The following HMGN2 variants were observed in gnomAD, a reference collection of about 807,000 sequenced individuals.
HMGN2 encodes high mobility group nucleosomal binding domain 2.
A neutral mutation model predicts 16.9 loss-of-function variants in HMGN2; 2 were observed. The ratio of observed to expected loss-of-function variants is 0.12; its 90% CI spans 0.05 to 0.37. HMGN2 has a LOEUF of 0.37. Among genes scored for constraint, HMGN2 ranks in the 10% least tolerant of loss-of-function variants. The pLI, the probability that HMGN2 is intolerant of heterozygous loss-of-function variation, is 1.00. For missense variants in HMGN2, 90 were observed against 106.0 expected (o/e 0.85, Z 0.66); for synonymous variants, 31 against 34.9 (o/e 0.89, Z 0.39).
chr1:26,472,870 A>T (rs1234479285), intron 1 of HMGN2, among the ~76,000 whole-genome samples: 4 of 151,430 alleles, frequency 2.6e-5, no homozygotes, highest in Non-Finnish European at 4.4e-5. Context: ...GCGGCTGTTT[A>T]TCCCGCTCTC....
intron 4 of HMGN2, 116 bp from the exon 5 acceptor site, chr1:26,474,456 G>A: frequency 1.5e-6 from 1 of 654,480 alleles, no homozygotes. Context: ...TTGTCAAATG[G>A]GTGAGGGTTT....
At position 26,476,228 on chromosome 1, in the gene HMGN2, T is replaced by C. The variant is rs896653293; in HGVS notation, c.*1080T>C. Reference sequence around the variant, plus strand: ...ATGCAGCATTCCCTGCAGTGTTTGTTTTTTGCATGACTCCGAATACATGAA... The same window carrying C: ...ATGCAGCATTCCCTGCAGTGTTTGTCTTTTGCATGACTCCGAATACATGAA... On this transcript the variant is annotated 3_prime_UTR_variant, in exon 6 of 6. Transcript: ENST00000361427. 2.6e-5 allele frequency among the ~76,000 whole-genome samples: 4 copies of C among 152,218 alleles called. No homozygotes were observed. The highest frequency in any genetic ancestry group is 2.6e-4 in the Admixed American group (4 of 15,286).
At chr1:26,473,877 C>T (rs769733874) in intron 3 of HMGN2, 145 bp downstream of exon 3, 54 of 905,110 alleles carry the variant, frequency 6.0e-5, no homozygotes, top group Admixed American at 1.0e-4. Flanking sequence ...TTGGGTTTTG[C>T]TGGTTCTGAA....
Position 26,472,462 on chromosome 1 carries a change from G to A in HMGN2, c.-151G>A, listed in dbSNP as rs1211257825. On this transcript the variant is annotated 5_prime_UTR_variant, in exon 1 of 6. Transcript: ENST00000361427. ...GGTGAAATCCGGTTCTAACCGGTCC[G>A]GGGCTCCCAGCGCTATAAAAACTTT... is the stretch of plus-strand genomic sequence containing the variant. 5 of 929,936 alleles carry A rather than the reference G, an allele frequency of 5.4e-6. No homozygotes were observed. The highest frequency in any genetic ancestry group is 2.1e-5 in the Admixed American group (1 of 47,196). 57.6% of individuals were successfully genotyped at this position (929,936 alleles called of 1,614,324 possible). A position where few individuals can be genotyped will look rare whatever the true frequency, so the allele number is the denominator to read the frequency against.
At chr1:26,473,826 C>A in intron 3 of HMGN2, 94 bp downstream of exon 3, 1 of 1,315,006 alleles carries the variant, frequency 7.6e-7, no homozygotes, top group Non-Finnish European at 1.1e-6. Context: ...TGGTTAGTGC[C>A]TGGTTTTGAA....
intron 1 of HMGN2, 74 bp downstream of exon 1, chr1:26,472,701 A>AG: frequency 7.3e-7 from 1 of 1,376,040 alleles, no homozygotes; most frequent in Non-Finnish European, 9.8e-7. Flanking sequence ...TGGTGCAGGG[A>AG]GCGAGAATCG....
Position 26,476,238 on chromosome 1 carries a change from A to G in HMGN2, c.*1090A>G, listed in dbSNP as rs377414294. 3.9e-4 allele frequency among the ~76,000 whole-genome samples: 59 copies of G among 152,168 alleles called. 1 individual carries two copies. The South Asian group carries it at 0.012, about 32-fold the overall frequency. On this transcript the variant is annotated 3_prime_UTR_variant, in exon 6 of 6. Coordinates refer to ENST00000361427, the MANE Select transcript of HMGN2 (RefSeq NM_005517.4). The stretch of plus-strand genomic sequence containing the variant: ...CCCTGCAGTGTTTGTTTTTTGCATG[A>G]CTCCGAATACATGAAGTGTATTAAA...
At chr1:26,475,040 T>A (rs1468100727) in intron 5 of HMGN2, 73 bp from the exon 6 acceptor site, 3 of 1,229,592 alleles carry the variant, frequency 2.4e-6, no homozygotes, top group Non-Finnish European at 3.6e-6. Flanking sequence ...AGCAAAGTGA[T>A]GCTGTAGGTG....
At chr1:26,473,656 A>G (rs2075590403) in intron 2 of HMGN2, 47 bp from the exon 3 acceptor site, 1 of 1,607,728 alleles carries the variant, frequency 6.2e-7, no homozygotes, top group Non-Finnish European at 8.5e-7. Flanking sequence ...CAAACTTTCA[A>G]AGCGACTTAC....
chr1:26,473,032 C>A (rs1270227018), intron 1 of HMGN2, among the ~76,000 whole-genome samples: 1 of 11,626 alleles, frequency 8.6e-5, no homozygotes. Flanking sequence ...CAAAAAACCG[C>A]CGCCGTGAGG....
intron 2 of HMGN2, 50 bp from the exon 3 acceptor site, chr1:26,473,653 T>C (rs751258153): frequency 1.7e-5 from 28 of 1,605,792 alleles, no homozygotes; most frequent in Non-Finnish European, 2.3e-5. Flanking sequence ...TACCAAACTT[T>C]CAAAGCGACT....
At chr1:26,475,068 G>C (rs2075599003) in intron 5 of HMGN2, 45 bp from the exon 6 acceptor site, 1 of 1,544,622 alleles carries the variant, frequency 6.5e-7, no homozygotes, top group African/African-American at 1.4e-5. Context: ...AACACAGATA[G>C]TTTTGAAATC....
At position 26,475,565 on chromosome 1, in the gene HMGN2, C is replaced by G. The variant is rs1057281191; in HGVS notation, c.*417C>G. On this transcript the variant is annotated 3_prime_UTR_variant, in exon 6 of 6. Coordinates refer to ENST00000361427, the MANE Select transcript of HMGN2 (RefSeq NM_005517.4). ...CCCAGACATCTGTTGAGACCTGACC[C>G]CTAGTCATTGGTTACCAGTGTGTCA... 6 of 305,934 alleles carry G rather than the reference C, an allele frequency of 2.0e-5. No homozygotes were observed. The highest frequency in any genetic ancestry group is 3.8e-5 in the Non-Finnish European group (6 of 156,290). The allele number at this position is 305,934 out of a possible 1,614,324, so 19.0% of individuals were successfully genotyped here.
rs771387175 is a variant in HMGN2 at position 26,473,525 on chromosome 1, G to C, written c.58G>C (p.Glu20Gln). ...AKGDKAKVKD[E>Q]PQRRSARLSA... ...GGGAGATAAAGCAAAGGTGAAGGAC[G>C]AAGTAAGTCATTCTCTCTTCAAGGG... The change falls in exon 2 of 6, where the codon GAA becomes CAA. Residue 20 changes from glutamate (E) to glutamine (Q), a missense_variant and splice_region_variant. By Grantham distance (29) the Glu-to-Gln change is conservative. Transcript: ENST00000361427. 2 of 1,611,926 alleles carry C rather than the reference G, an allele frequency of 1.2e-6. No individual in the cohort carries two copies. Among genetic ancestry groups the C allele is most frequent in the Admixed American group, 3.3e-5 (2 of 60,020 alleles).
At position 26,472,560 on chromosome 1, in the gene HMGN2, C is replaced by G. The variant is rs904809098; in HGVS notation, c.-53C>G. On this transcript the variant is annotated 5_prime_UTR_variant, in exon 1 of 6. Transcript: ENST00000361427. Reference sequence around the variant, plus strand: ...CCCCGGACCGACCAAAGCCCGCGCGCCGCTGCATCCCGCGTCCAGCACCTA... The same window carrying G: ...CCCCGGACCGACCAAAGCCCGCGCGGCGCTGCATCCCGCGTCCAGCACCTA... The G allele has an allele frequency of 2.0e-6, 3 of 1,534,676 alleles. No homozygotes were observed. Among genetic ancestry groups the G allele is most frequent in the Non-Finnish European group, 2.6e-6 (3 of 1,147,352 alleles).
chr1:26,475,384 T>G lies in HMGN2; in HGVS notation c.*236T>G. The G allele has an allele frequency of 2.5e-6, 1 of 394,904 alleles. No individual in the cohort carries two copies. Among genetic ancestry groups the G allele is most frequent in the South Asian group, 4.7e-5 (1 of 21,234 alleles). The allele number at this position is 394,904 out of a possible 1,614,324, so 24.5% of individuals were successfully genotyped here. On this transcript the variant is annotated 3_prime_UTR_variant, in exon 6 of 6. Coordinates refer to ENST00000361427, the MANE Select transcript of HMGN2 (RefSeq NM_005517.4). ...GAGAAAACACCTTTCCCTTCTAGTTTTGAGAGACTTCCTCTTGGCTCCCAG... is the reference window on the plus strand; with the variant it reads ...GAGAAAACACCTTTCCCTTCTAGTTGTGAGAGACTTCCTCTTGGCTCCCAG...
intron 1 of HMGN2, 138 bp downstream of exon 1, chr1:26,472,765 G>C (rs930233596): frequency 4.1e-6 from 3 of 728,064 alleles, no homozygotes; most frequent in Admixed American, 6.6e-5. Context: ...AGACGGTGTC[G>C]GGCAGCTCGG....
At chr1:26,474,988 A>C (rs2075598671) in intron 5 of HMGN2, 125 bp from the exon 6 acceptor site, 1 of 767,598 alleles carries the variant, frequency 1.3e-6, no homozygotes, top group African/African-American at 1.7e-5. Context: ...TCTCAGAAGA[A>C]ATACTGAGTC....
intron 2 of HMGN2, 40 bp downstream of exon 2, chr1:26,473,567 G>A: frequency 6.3e-7 from 1 of 1,577,050 alleles, no homozygotes. Context: ...CCTTGGACTA[G>A]CAGAGGCCAC....
Sources: allele counts gnomAD v4.1 joint callset (sites outside exome capture counted in the v4.1 genomes callset), GRCh38; gene constraint gnomAD v4.1.1; transcripts MANE v1.5; gene names NCBI Gene and HGNC (gene_info 2026-07-23, HGNC 2026-07-21).